SCO1: variants seen among roughly 807,000 people sequenced by gnomAD.
SCO1 encodes the protein cytochrome c oxidase assembly factor SCO1.
In SCO1, 23 loss-of-function variants were observed where a neutral mutation model predicts 34.0. That is an observed-to-expected ratio of 0.68 (90% CI 0.49 to 0.96). SCO1 has a LOEUF of 0.96. SCO1 is among the 40% of genes least tolerant of loss of function. SCO1 has a pLI of 0.00. For missense variants in SCO1, 404 were observed against 381.6 expected (o/e 1.06, Z -0.49); for synonymous variants, 161 against 145.5 (o/e 1.11, Z -0.77).
intron 1 of SCO1, 53 bp downstream of exon 1, chr17:10,697,182 G>A (rs2074735791): frequency 6.9e-7 from 1 of 1,457,656 alleles, no homozygotes; most frequent in Admixed American, 2.6e-5. Flanking sequence ...TGTGGCCGCT[G>A]GGCTGGCCGA....
At chr17:10,688,276 T>C (rs2074669212) in intron 4 of SCO1, among the ~76,000 whole-genome samples, 1 of 152,112 alleles carries the variant, frequency 6.6e-6, no homozygotes. Flanking sequence ...GTATCCAGAA[T>C]ATAAATAATA....
Position 10,697,287 on chromosome 17 carries a change from G to A in SCO1, c.221C>T (p.Pro74Leu). 1 of 1,566,200 alleles carries A rather than the reference G, an allele frequency of 6.4e-7. No individual in the cohort carries two copies. Among genetic ancestry groups the A allele is most frequent in the East Asian group, 2.4e-5 (1 of 42,416 alleles). Residue 74 changes from proline (P) to leucine (L), a missense_variant, in exon 1 of 6, where the codon CCC becomes CTC. Physicochemically the swap from Pro to Leu is moderately conservative, Grantham distance 98. Coordinates refer to ENST00000255390, the MANE Select transcript of SCO1 (RefSeq NM_004589.4). ...TRPLSTARPP[P>L]PWSQKGPGDS... Reference sequence around the variant, plus strand: ...TCCGGGGCCCTTCTGCGACCACGGGGGTGGCGGCCTCGCAGTGCTGAGGGG... The same window carrying A: ...TCCGGGGCCCTTCTGCGACCACGGGAGTGGCGGCCTCGCAGTGCTGAGGGG...
In SCO1 at chr17:10,674,300, C is replaced by A. The variant is rs1468730058; in HGVS notation, c.*6819G>T. 1.2e-5 allele frequency: 2 copies of A among 163,416 alleles called. No homozygotes were observed. Among genetic ancestry groups the A allele is most frequent in the Non-Finnish European group, 2.7e-5 (2 of 75,238 alleles). The allele number at this position is 163,416 out of a possible 1,614,324, so 10.1% of individuals were successfully genotyped here. A position where few individuals can be genotyped will look rare whatever the true frequency, so the allele number is the denominator to read the frequency against. ...ACGCCACCGGGCATGGTGGCGGGCG[C>A]CTGTAATCCCAGCTACTTGGGAGGC... is the stretch of plus-strand genomic sequence containing the variant. On this transcript the variant is annotated 3_prime_UTR_variant, in exon 6 of 6. Coordinates refer to ENST00000255390, the MANE Select transcript of SCO1 (RefSeq NM_004589.4).
chr17:10,684,296 A>T (rs2074640378), intron 5 of SCO1, among the ~76,000 whole-genome samples: 1 of 152,212 alleles, frequency 6.6e-6, no homozygotes, highest in Non-Finnish European at 1.5e-5. Flanking sequence ...TTGCTCCATG[A>T]TCTCACTGGC....
intron 2 of SCO1, 31 bp downstream of exon 2, chr17:10,695,710 T>C (rs199547036): frequency 8.7e-6 from 13 of 1,491,176 alleles, no homozygotes; most frequent in Admixed American, 1.7e-5. Context: ...AAGACCTTTA[T>C]ACAGGGCTGA....
At position 10,692,795 on chromosome 17, in the gene SCO1, T is replaced by C. The variant is rs772132320; in HGVS notation, c.531A>G (p.Leu177=). The part of the protein sequence containing the change: ...THCPDVCPEE[L]EKMIQVVDEI... ...CATCCACGACTTGAATCATCTTTTC[T>C]AGTTCTTCTGGACAGACATCAGGGC... The change falls in exon 3 of 6, where the codon CTA becomes CTG. Residue 177 remains leucine (L), a synonymous_variant. Transcript: ENST00000255390. The C allele has an allele frequency of 8.7e-6, 14 of 1,614,062 alleles. No individual in the cohort carries two copies. Among genetic ancestry groups the C allele is most frequent in the African/African-American group, 2.7e-5 (2 of 74,932 alleles).
At position 10,678,865 on chromosome 17, in the gene SCO1, T is replaced by G. The variant is rs79192340; in HGVS notation, c.*2254A>C. On this transcript the variant is annotated 3_prime_UTR_variant, in exon 6 of 6. Transcript: ENST00000255390. ...AAAATCAAGGAGTCAGCAGGGTTTGTTTTTTTTTTTTTTTCTCACAACTTC... is the reference window on the plus strand; with the variant it reads ...AAAATCAAGGAGTCAGCAGGGTTTGGTTTTTTTTTTTTTTCTCACAACTTC... The G allele has an allele frequency of 2.6e-5, 3 of 115,220 alleles. No homozygotes were observed. Among genetic ancestry groups the G allele is most frequent in the Non-Finnish European group, 4.9e-5 (3 of 61,360 alleles). The allele number at this position is 115,220 out of a possible 1,614,324, so 7.1% of individuals were successfully genotyped here. A position where few individuals can be genotyped will look rare whatever the true frequency, so the allele number is the denominator to read the frequency against.
rs2074572801 is a variant in SCO1 at position 10,675,208 on chromosome 17, G to A, written c.*5911C>T. On this transcript the variant is annotated 3_prime_UTR_variant, in exon 6 of 6. Coordinates refer to ENST00000255390, the MANE Select transcript of SCO1 (RefSeq NM_004589.4). ...TCTGGGGCCTAAGTGTGGCTACTCT[G>A]CTCTGCCACACCACACCTGAGGCCC... is the stretch of plus-strand genomic sequence containing the variant. The A allele has an allele frequency of 6.6e-6, 1 of 152,246 alleles. No homozygotes were observed. The highest frequency in any genetic ancestry group is 1.5e-5 in the Non-Finnish European group (1 of 68,076). The allele number at this position is 152,246 out of a possible 1,614,324, so 9.4% of individuals were successfully genotyped here.
At chr17:10,691,121 A>G (rs2074686904) in intron 4 of SCO1, among the ~76,000 whole-genome samples, 1 of 152,230 alleles carries the variant, frequency 6.6e-6, no homozygotes, top group East Asian at 1.9e-4. Flanking sequence ...GTCATAGTAA[A>G]TGTTTTATTT....
Position 10,681,270 on chromosome 17 carries a change from G to T in SCO1, c.772-17C>A. 6.2e-7 allele frequency: 1 copy of T among 1,613,442 alleles called. No homozygotes were observed. The highest frequency in any genetic ancestry group is 8.5e-7 in the Non-Finnish European group (1 of 1,179,712). On this transcript the variant is annotated splice_polypyrimidine_tract_variant and intron_variant, in intron 5 of 5. Coordinates refer to ENST00000255390, the MANE Select transcript of SCO1 (RefSeq NM_004589.4). ...GTGATCCACCTGCAGAGAAAAGGGGGGAGAGTGTGACAAAGATTACCAAAA... is the reference window on the plus strand; with the variant it reads ...GTGATCCACCTGCAGAGAAAAGGGGTGAGAGTGTGACAAAGATTACCAAAA...
Position 10,680,852 on chromosome 17 carries a change from T to C in SCO1, c.*267A>G. ...TCGCCCCGCCATGTCCTTCCACAGG[T>C]GGGCTCTTCACTGGCTTCACTTCAG... On this transcript the variant is annotated 3_prime_UTR_variant, in exon 6 of 6. Transcript: ENST00000255390. The C allele has an allele frequency of 1.9e-6, 1 of 514,462 alleles. No individual in the cohort carries two copies. Among genetic ancestry groups the C allele is most frequent in the Non-Finnish European group, 3.5e-6 (1 of 285,784 alleles). The allele number at this position is 514,462 out of a possible 1,614,324, so 31.9% of individuals were successfully genotyped here. A position where few individuals can be genotyped will look rare whatever the true frequency, so the allele number is the denominator to read the frequency against.
intron 1 of SCO1, among the ~76,000 whole-genome samples, chr17:10,696,398 T>C (rs780514605): frequency 2.6e-5 from 4 of 152,094 alleles, no homozygotes; most frequent in Non-Finnish European, 5.9e-5. Context: ...TGGGCCGAGA[T>C]AGGGCCACTG....
In SCO1 at chr17:10,691,954, T is replaced by TG. The variant is rs769904663; in HGVS notation, c.572dup (p.Thr192AsnfsTer13). ...AAAGTGGAGTTAGATCTGGCAGAGT[T>TG]GTAATGCTATCTGAAAGAGAGTTCC... On this transcript the variant is annotated frameshift_variant, in exon 4 of 6. Transcript: ENST00000255390. LOFTEE classifies it high-confidence loss of function. The TG allele has an allele frequency of 1.2e-6, 2 of 1,611,376 alleles. No homozygotes were observed. The highest frequency in any genetic ancestry group is 2.2e-5 in the South Asian group (2 of 91,024).
At chr17:10,691,165 G>A (rs1268666363) in intron 4 of SCO1, among the ~76,000 whole-genome samples, 1 of 152,182 alleles carries the variant, frequency 6.6e-6, no homozygotes, top group Non-Finnish European at 1.5e-5. Context: ...TGTTGCCCAG[G>A]CTGAAGATCA....
chr17:10,683,862 G>A (rs948658275), intron 5 of SCO1: 2 of 152,010 alleles, frequency 1.3e-5, no homozygotes, highest in African/African-American at 2.4e-5. Context: ...TGTTGCTGTC[G>A]TTTGGGATTA....
intron 4 of SCO1, among the ~76,000 whole-genome samples, chr17:10,688,892 G>A (rs1269345262): frequency 2.8e-5 from 4 of 141,010 alleles, no homozygotes; most frequent in Middle Eastern, 3.4e-3. Context: ...CGAGGCGGGC[G>A]GATCACGAGG....
chr17:10,693,498 T>C (rs2074702838), intron 2 of SCO1, among the ~76,000 whole-genome samples: 1 of 152,236 alleles, frequency 6.6e-6, no homozygotes. Context: ...AACCCTGCAG[T>C]ACTGCAAATA....
intron 3 of SCO1, 103 bp downstream of exon 3, chr17:10,692,661 T>A: frequency 1.1e-6 from 1 of 927,148 alleles, no homozygotes; most frequent in Non-Finnish European, 1.7e-6. Context: ...TTCTTACAAA[T>A]CACATAATTG....
At chr17:10,693,195 C>A (rs186547076) in intron 2 of SCO1, among the ~76,000 whole-genome samples, 1 of 152,304 alleles carries the variant, frequency 6.6e-6, no homozygotes, top group East Asian at 1.9e-4. Flanking sequence ...AAAAATATTT[C>A]TTCTTTTTCA....
Sources: gnomAD v4.1 joint callset for allele counts (sites outside exome capture counted in the v4.1 genomes callset) on GRCh38, gnomAD v4.1.1 for gene constraint, MANE v1.5 for transcripts, NCBI Gene and HGNC (gene_info 2026-07-23, HGNC 2026-07-21) for gene names.